The following SERINC5 variants were observed in gnomAD, a reference collection of about 807,000 sequenced individuals.
The protein encoded by SERINC5 is serine incorporator 5, also known as chromosome 5 open reading frame 12.
SERINC5 carries 41 observed loss-of-function variants against 63.1 expected under a neutral mutation model. The ratio of observed to expected loss-of-function variants is 0.65; its 90% CI spans 0.51 to 0.84. SERINC5 has a LOEUF of 0.84. Among genes scored for constraint, SERINC5 ranks in the 40% least tolerant of loss-of-function variants. SERINC5 has a pLI of 0.00. For missense variants in SERINC5, 523 were observed against 573.0 expected, an observed-to-expected ratio of 0.91 and a Z score of 0.89; for synonymous variants, 222 against 215.2, an observed-to-expected ratio of 1.03 and a Z score of -0.28.
downstream of SERINC5, among the ~76,000 whole-genome samples, chr5:80,135,914 GAGTCAGAA>G (rs1745151957): frequency 3.3e-5 from 5 of 152,100 alleles, no homozygotes; most frequent in South Asian, 1.0e-3. Flanking sequence ...GATGAATTCA[GAGTCAGAA>G]AGTAGGATGA....
intron 10 of SERINC5, among the ~76,000 whole-genome samples, chr5:80,146,460 T>C (rs969089293): frequency 6.6e-6 from 1 of 152,192 alleles, no homozygotes; most frequent in Non-Finnish European, 1.5e-5. Context: ...TTTTTATTTA[T>C]TTATTTTTTG....
intron 8 of SERINC5, among the ~76,000 whole-genome samples, chr5:80,156,335 A>G (rs898838809): frequency 2.6e-5 from 4 of 152,190 alleles, no homozygotes; most frequent in Admixed American, 2.6e-4. Context: ...AAAAAACCCT[A>G]GTTGGGCTAA....
chr5:80,231,282 A>G (rs1407809901), intron 1 of SERINC5, among the ~76,000 whole-genome samples: 2 of 152,236 alleles, frequency 1.3e-5, no homozygotes, highest in Non-Finnish European at 2.9e-5. Context: ...ACTGCTCCAC[A>G]TGGCAAGGAA....
chr5:80,144,485 A>G (rs1051315506), intron 11 of SERINC5, among the ~76,000 whole-genome samples: 4 of 152,170 alleles, frequency 2.6e-5, no homozygotes, highest in African/African-American at 9.7e-5. Context: ...GAGGGTTCCA[A>G]TTTCTCCACT....
intron 1 of SERINC5, among the ~76,000 whole-genome samples, chr5:80,236,773 C>T (rs544251962): frequency 5.3e-5 from 8 of 152,236 alleles, no homozygotes; most frequent in East Asian, 1.9e-4. Context: ...GTGATCCACC[C>T]GCCTCCGCCT....
At chr5:80,251,516 G>C (rs1259742561) in intron 1 of SERINC5, among the ~76,000 whole-genome samples, 1 of 151,900 alleles carries the variant, frequency 6.6e-6, no homozygotes, top group Non-Finnish European at 1.5e-5. Flanking sequence ...GGTCACCTGA[G>C]GTCAGGAGTT....
At chr5:80,121,036 T>C (rs1219905700) in intron 11 of SERINC5, among the ~76,000 whole-genome samples, 1 of 151,962 alleles carries the variant, frequency 6.6e-6, no homozygotes, top group Non-Finnish European at 1.5e-5. Context: ...TATAGGCATG[T>C]GCCACCACAC....
intron 1 of SERINC5, among the ~76,000 whole-genome samples, chr5:80,216,409 G>A (rs1300359747): frequency 2.0e-5 from 3 of 152,208 alleles, no homozygotes; most frequent in Non-Finnish European, 2.9e-5. Context: ...AGACTGTGGG[G>A]TTCACCACCT....
chr5:80,184,884 GTTTCT>G (rs1008983184), intron 2 of SERINC5, among the ~76,000 whole-genome samples: 11 of 152,026 alleles, frequency 7.2e-5, no homozygotes, highest in African/African-American at 1.9e-4. Flanking sequence ...ACTGTATGTT[GTTTCT>G]TTTTTTTGAT....
intron 1 of SERINC5, among the ~76,000 whole-genome samples, chr5:80,208,326 T>TCA (rs1042296193): frequency 4.0e-5 from 6 of 149,946 alleles, no homozygotes; most frequent in Non-Finnish European, 8.9e-5. Flanking sequence ...ATATGGGAAC[T>TCA]CTCTGTATCT....
Position 80,217,862 on chromosome 5 carries a change from C to T in SERINC5, c.28-14809G>A, listed in dbSNP as rs553255099. Among the ~76,000 whole-genome samples the T allele has an allele frequency of 8.5e-5, 13 of 152,160 alleles. No individual in the cohort carries two copies. In the East Asian group the frequency reaches 9.7e-4, roughly 11 times the overall value. ...CCTCCTATTTTCCTGATGTGAAAAC[C>T]GAGGCCCAGAAAGGTTAGGTGATTT... On this transcript the variant is annotated intron_variant, in intron 1 of 11. Transcript: ENST00000507668.
chr5:80,154,179 C>G (rs1446871360), intron 8 of SERINC5, among the ~76,000 whole-genome samples: 1 of 151,722 alleles, frequency 6.6e-6, no homozygotes, highest in African/African-American at 2.4e-5. Flanking sequence ...CTTTTTCTTT[C>G]TTTCCTTTTT....
chr5:80,237,887 G>A (rs572080422), intron 1 of SERINC5, among the ~76,000 whole-genome samples: 80 of 151,926 alleles, frequency 5.3e-4, no homozygotes, highest in African/African-American at 1.8e-3. Flanking sequence ...GGTGGATCAC[G>A]AGGTCAAGAG....
intron 1 of SERINC5, among the ~76,000 whole-genome samples, chr5:80,223,613 C>A (rs923088873): frequency 1.3e-5 from 2 of 152,042 alleles, no homozygotes; most frequent in South Asian, 4.1e-4. Flanking sequence ...TAAAGAATAT[C>A]CCACCCTGAG....
intron 11 of SERINC5, among the ~76,000 whole-genome samples, chr5:80,117,798 C>T (rs1284758886): frequency 6.6e-6 from 1 of 151,946 alleles, no homozygotes; most frequent in East Asian, 1.9e-4. Context: ...CTTCTTCCAG[C>T]TTTGGGTGGC....
At chr5:80,205,986 A>AAAC (rs1232440891) in intron 1 of SERINC5, among the ~76,000 whole-genome samples, 1 of 151,512 alleles carries the variant, frequency 6.6e-6, no homozygotes, top group East Asian at 1.9e-4. Context: ...AAAAAAAAAA[A>AAAC]AAAAAAAAAC....
intron 10 of SERINC5, 56 bp downstream of exon 10, chr5:80,147,189 A>C: frequency 8.9e-6 from 13 of 1,468,416 alleles, no homozygotes; most frequent in South Asian, 1.2e-5. Context: ...ACTACAGATT[A>C]GAGTTATAGG....
chr5:80,149,726 C>T (rs967586144), intron 9 of SERINC5, among the ~76,000 whole-genome samples: 11 of 152,166 alleles, frequency 7.2e-5, no homozygotes, highest in African/African-American at 2.4e-4. Flanking sequence ...GGTAATAGCA[C>T]GTCACTGGGT....
At chr5:80,124,964 A>T (rs974213280) in intron 11 of SERINC5, among the ~76,000 whole-genome samples, 3 of 152,184 alleles carry the variant, frequency 2.0e-5, no homozygotes, top group African/African-American at 7.2e-5. Flanking sequence ...GTTCCAACCA[A>T]AAAAGGTAGG....
Sources: allele counts gnomAD v4.1 joint callset (sites outside exome capture counted in the v4.1 genomes callset), GRCh38; gene constraint gnomAD v4.1.1; transcripts MANE v1.5; gene names NCBI Gene and HGNC (gene_info 2026-07-23, HGNC 2026-07-21).